The following EPC2 variants were observed in gnomAD, a reference collection of about 807,000 sequenced individuals.
EPC2 encodes the protein enhancer of polycomb 2.
A neutral mutation model predicts 92.1 loss-of-function variants in EPC2; 14 were observed. The observed-to-expected ratio is 0.15, with a 90% CI of 0.10 to 0.24. The LOEUF (loss-of-function observed/expected upper bound fraction) is 0.24, where lower values mean the gene tolerates loss of function less well. EPC2 is among the 10% of genes least tolerant of loss of function. The probability of loss-of-function intolerance (pLI) is 1.00; values close to 1 mark genes in which losing one functional copy is unlikely to be tolerated. For missense variants in EPC2, 755 were observed against 971.5 expected (o/e 0.78, Z 2.96); for synonymous variants, 340 against 334.7 (o/e 1.02, Z -0.17).
At chr2:148,762,173 C>T in intron 5 of EPC2, 1 of 243,824 alleles carries the variant, frequency 4.1e-6, no homozygotes, top group Non-Finnish European at 7.8e-6. Flanking sequence ...TTTGTTTTGG[C>T]AGAATCATTG....
chr2:148,712,232 TGTGTGTGTGGGG>T (rs1682158054), intron 2 of EPC2, among the ~76,000 whole-genome samples: 1 of 151,674 alleles, frequency 6.6e-6, no homozygotes, highest in South Asian at 2.1e-4. Context: ...TCATACTGTT[TGTGTGTGTGGGG>T]GTGTGTGTGT....
chr2:148,749,261 C>T (rs1280754121), intron 3 of EPC2, among the ~76,000 whole-genome samples: 2 of 152,100 alleles, frequency 1.3e-5, no homozygotes, highest in Non-Finnish European at 2.9e-5. Flanking sequence ...AGTGGTTTCC[C>T]TACTGGATCA....
chr2:148,702,483 T>C (rs1050818136), intron 2 of EPC2, among the ~76,000 whole-genome samples: 6 of 152,314 alleles, frequency 3.9e-5, no homozygotes, highest in African/African-American at 1.2e-4. Flanking sequence ...CTTCCCCAGC[T>C]CTGAGGGCTA....
intron 2 of EPC2, among the ~76,000 whole-genome samples, chr2:148,731,724 G>A (rs1682635604): frequency 6.6e-6 from 1 of 152,170 alleles, no homozygotes; most frequent in Non-Finnish European, 1.5e-5. Flanking sequence ...ATGCATGAAA[G>A]TAGGGGCTTT....
At chr2:148,745,111 G>A (rs919293522) in intron 3 of EPC2, among the ~76,000 whole-genome samples, 3 of 150,044 alleles carry the variant, frequency 2.0e-5, no homozygotes, top group Admixed American at 1.3e-4. Context: ...TGTCTTACTT[G>A]GTTTTTTGTT....
rs1451171628 is a variant in EPC2, at chr2:148,782,074, C to T, written c.1857+294C>T. Among the ~76,000 whole-genome samples, 5 of 152,224 alleles carry T rather than the reference C, an allele frequency of 3.3e-5. No individual in the cohort carries two copies. The East Asian group carries it at 7.7e-4, about 23-fold the overall frequency. On this transcript the variant is annotated intron_variant, in intron 11 of 13. Coordinates refer to ENST00000258484, the MANE Select transcript of EPC2 (RefSeq NM_015630.4). ...TGTAGTTGTAAGAATCATTCTCCAC[C>T]TCCACTCCCCCAAAGATTTTTTTGA...
At chr2:148,678,480 C>T (rs991796508) in intron 1 of EPC2, among the ~76,000 whole-genome samples, 11 of 152,226 alleles carry the variant, frequency 7.2e-5, no homozygotes, top group African/African-American at 2.2e-4. Context: ...GCTCGGGCTG[C>T]GCAGGAGCCC....
At chr2:148,710,399 T>A (rs1441401375) in intron 2 of EPC2, among the ~76,000 whole-genome samples, 1 of 152,222 alleles carries the variant, frequency 6.6e-6, no homozygotes, top group East Asian at 1.9e-4. Context: ...ACACTGTTGG[T>A]GGGATTGTAA....
chr2:148,775,956 T>G lies in EPC2; in HGVS notation c.1720+4569T>G, dbSNP rs1053408705. On this transcript the variant is annotated intron_variant, in intron 10 of 13. Coordinates refer to ENST00000258484, the MANE Select transcript of EPC2 (RefSeq NM_015630.4). ...CCACACCTGCCTAATTGTTTTTGTA[T>G]TTTTTTAGTAGAGACAGGGTTTCAC... Among the ~76,000 whole-genome samples the G allele has an allele frequency of 2.6e-5, 4 of 151,644 alleles. No individual in the cohort carries two copies. The East Asian group carries it at 5.8e-4, about 22-fold the overall frequency.
intron 2 of EPC2, among the ~76,000 whole-genome samples, chr2:148,727,304 A>G (rs1682518863): frequency 1.3e-5 from 2 of 152,150 alleles, no homozygotes; most frequent in Non-Finnish European, 2.9e-5. Context: ...TCTTTATGCC[A>G]ATTCCATACT....
intron 2 of EPC2, among the ~76,000 whole-genome samples, chr2:148,732,833 A>G (rs1682665589): frequency 1.3e-5 from 2 of 152,054 alleles, no homozygotes; most frequent in African/African-American, 4.8e-5. Context: ...GCAATTTTGC[A>G]TATAAAGGAT....
chr2:148,737,226 A>G (rs1682775657), intron 2 of EPC2, among the ~76,000 whole-genome samples: 1 of 152,224 alleles, frequency 6.6e-6, no homozygotes, highest in Non-Finnish European at 1.5e-5. Flanking sequence ...CTTTCAGTAG[A>G]ACCCAAGTGA....
intron 2 of EPC2, among the ~76,000 whole-genome samples, chr2:148,697,882 A>G (rs1681783254): frequency 1.3e-5 from 2 of 152,322 alleles, no homozygotes; most frequent in South Asian, 2.1e-4. Flanking sequence ...CACAATTTGA[A>G]TAAAGAGAGG....
At chr2:148,761,046 T>A (rs1683293376) in intron 4 of EPC2, among the ~76,000 whole-genome samples, 1 of 152,252 alleles carries the variant, frequency 6.6e-6, no homozygotes, top group South Asian at 2.1e-4. Context: ...ATATTAGTAA[T>A]AATTTTATAT....
At chr2:148,742,841 C>A (rs57371484) in intron 2 of EPC2, among the ~76,000 whole-genome samples, 392 of 150,032 alleles carry the variant, frequency 2.6e-3, no homozygotes, top group African/African-American at 9.1e-3. Context: ...AATACCAATT[C>A]ACATCATTTG....
chr2:148,784,974 C>T lies in EPC2; in HGVS notation c.2324C>T (p.Pro775Leu). 6.6e-7 allele frequency: 1 copy of T among 1,526,362 alleles called. No individual in the cohort carries two copies. The highest frequency in any genetic ancestry group is 8.8e-7 in the Non-Finnish European group (1 of 1,135,570). The allele number at this position is 1,526,362 out of a possible 1,614,324, so 94.6% of individuals were successfully genotyped here. ...ASMDRVPKVT[P>L]SSAISSIARE... ...ATGGACAGAGTGCCAAAGGTTACTC[C>T]CAGCAGTGCCATCAGCAGCATAGCA... The change falls in exon 13 of 14, where the codon CCC (proline) becomes CTC (leucine). Residue 775 changes from proline (P) to leucine (L), a missense_variant. Coordinates refer to ENST00000258484, the MANE Select transcript of EPC2 (RefSeq NM_015630.4).
intron 10 of EPC2, among the ~76,000 whole-genome samples, chr2:148,775,620 T>G (rs902149466): frequency 3.8e-4 from 14 of 36,974 alleles, no homozygotes; most frequent in African/African-American, 1.2e-3. Context: ...TTTAATTATT[T>G]AAATTAAATA....
At chr2:148,718,386 T>C (rs1682300534) in intron 2 of EPC2, among the ~76,000 whole-genome samples, 1 of 152,188 alleles carries the variant, frequency 6.6e-6, no homozygotes, top group Non-Finnish European at 1.5e-5. Context: ...TGTTTTTCCT[T>C]TCCATATTTA....
chr2:148,768,563 CA>C (rs1443036053), intron 7 of EPC2, among the ~76,000 whole-genome samples: 13 of 152,150 alleles, frequency 8.5e-5, no homozygotes, highest in African/African-American at 2.2e-4. Context: ...TTTAGCAAGT[CA>C]TTTCTCTTCT....
Sources: gnomAD v4.1 joint callset for allele counts (sites outside exome capture counted in the v4.1 genomes callset) on GRCh38, gnomAD v4.1.1 for gene constraint, MANE v1.5 for transcripts, NCBI Gene and HGNC (gene_info 2026-07-23, HGNC 2026-07-21) for gene names.